The following TERT variants were observed in gnomAD, a reference collection of about 807,000 sequenced individuals.
TERT encodes telomerase reverse transcriptase, also known as telomerase catalytic subunit.
Under a neutral mutation model 104.0 loss-of-function variants are expected in TERT, and 42 were observed. The ratio of observed to expected loss-of-function variants is 0.40; its 90% CI spans 0.32 to 0.52. TERT has a LOEUF of 0.52. Among genes scored for constraint, TERT ranks in the 20% least tolerant of loss-of-function variants. The pLI is 0.43. For missense variants in TERT, 1,101 were observed against 1,610.3 expected (o/e 0.68, Z 5.41); for synonymous variants, 781 against 725.6 (o/e 1.08, Z -1.23).
intron 4 of TERT, among the ~76,000 whole-genome samples, chr5:1,279,684 C>T (rs541107177): frequency 1.3e-5 from 2 of 152,250 alleles, no homozygotes; most frequent in East Asian, 1.9e-4. Flanking sequence ...ACACCTCTGT[C>T]CACCTCACCC....
rs1027716937 is a variant in TERT at position 1,286,573 on chromosome 5, C to T, written c.1574-3949G>A. Among the ~76,000 whole-genome samples the T allele has an allele frequency of 6.6e-6, 1 of 152,034 alleles. No individual in the cohort carries two copies. The highest frequency in any genetic ancestry group is 1.5e-5 in the Non-Finnish European group (1 of 68,004). On this transcript the variant is annotated intron_variant, in intron 2 of 15. Transcript: ENST00000310581. The surrounding 1 kb of genome is among the most constrained non-coding windows in gnomAD (Gnocchi z 5.3). ...AGGACAAGGGTAGCAATGTTTCAGA[C>T]TTCATTTTAAAAGATCAAGGTATGC... is the stretch of plus-strand genomic sequence containing the variant.
At chr5:1,254,738 G>A (rs969882897) in intron 14 of TERT, among the ~76,000 whole-genome samples, 4 of 152,226 alleles carry the variant, frequency 2.6e-5, no homozygotes, top group Non-Finnish European at 5.9e-5. Context: ...CCGCAGGTTC[G>A]ACATGGCTTG....
chr5:1,266,610 G>T, intron 9 of TERT, 75 bp from the exon 10 acceptor site: 1 of 1,212,930 alleles, frequency 8.2e-7, no homozygotes, highest in Non-Finnish European at 1.2e-6. Context: ...GGGACTGAAT[G>T]TCAAACAATT....
In TERT at chr5:1,266,628, C is replaced by A; in HGVS notation, c.2583-93G>T. Reference sequence around the variant, plus strand: ...ACTGAATGTCAAACAATTTACACAGCCATAAATAAAGTAACATTCTCCAAA... The same window carrying A: ...ACTGAATGTCAAACAATTTACACAGACATAAATAAAGTAACATTCTCCAAA... On this transcript the variant is annotated intron_variant, in intron 9 of 15. Transcript: ENST00000310581. 3.8e-6 allele frequency: 4 copies of A among 1,053,918 alleles called. No individual in the cohort carries two copies. The South Asian group carries it at 4.1e-5, about 11-fold the overall frequency. The allele number at this position is 1,053,918 out of a possible 1,614,324, so 65.3% of individuals were successfully genotyped here. A position where few individuals can be genotyped will look rare whatever the true frequency, so the allele number is the denominator to read the frequency against.
intron 6 of TERT, among the ~76,000 whole-genome samples, chr5:1,278,434 A>G (rs1443541081): frequency 2.0e-5 from 3 of 146,658 alleles, no homozygotes; most frequent in African/African-American, 7.5e-5. Flanking sequence ...CCATGGACAC[A>G]CACGTGCCAC....
At position 1,288,515 on chromosome 5, in the gene TERT, T is replaced by C. The variant is rs1750630482; in HGVS notation, c.1573+4798A>G. 6.6e-6 allele frequency among the ~76,000 whole-genome samples: 1 copy of C among 151,842 alleles called. No homozygotes were observed. The highest frequency in any genetic ancestry group is 6.6e-5 in the Admixed American group (1 of 15,242). On this transcript the variant is annotated intron_variant, in intron 2 of 15. Coordinates refer to ENST00000310581, the MANE Select transcript of TERT (RefSeq NM_198253.3). The surrounding 1 kb of genome is among the most constrained non-coding windows in gnomAD (Gnocchi z 5.3). ...CAACCTGTGGCTGGACGTCAATCCA[T>C]GTGAGGGGGCGACTGGAGGCAGAGC...
chr5:1,292,985 C>T lies in TERT; in HGVS notation c.1573+328G>A, dbSNP rs1174858005. 6.6e-6 allele frequency among the ~76,000 whole-genome samples: 1 copy of T among 152,262 alleles called. No individual in the cohort carries two copies. The highest frequency in any genetic ancestry group is 1.9e-4 in the East Asian group (1 of 5,190). The stretch of plus-strand genomic sequence containing the variant: ...TAACCTGCAGGCACCCTCGCCAGAG[C>T]GTCTGTGCTTCCAGACACTTCTCCC... On this transcript the variant is annotated intron_variant, in intron 2 of 15. Coordinates refer to ENST00000310581, the MANE Select transcript of TERT (RefSeq NM_198253.3). The surrounding 1 kb of genome is among the most constrained non-coding windows in gnomAD (Gnocchi z 5.5).
intron 11 of TERT, among the ~76,000 whole-genome samples, chr5:1,260,851 G>T (rs563222935): frequency 6.6e-6 from 1 of 152,192 alleles, no homozygotes; most frequent in Non-Finnish European, 1.5e-5. Flanking sequence ...TCGCACGGCC[G>T]TGTTTGTGCA....
chr5:1,275,153 T>C (rs1054159948), intron 6 of TERT, among the ~76,000 whole-genome samples: 1 of 151,994 alleles, frequency 6.6e-6, no homozygotes, highest in South Asian at 2.1e-4. Flanking sequence ...GGTGGGAGGA[T>C]CACCTGAGGT....
Position 1,256,887 on chromosome 5 carries a change from G to A in TERT, c.3033-1476C>T, listed in dbSNP as rs919953332. Reference sequence around the variant, plus strand: ...CCACCCCAAGCCCGTGTGGAGGCGCGGCCAGCACGGGCCAGGAAGGCCGAG... The same window carrying A: ...CCACCCCAAGCCCGTGTGGAGGCGCAGCCAGCACGGGCCAGGAAGGCCGAG... On this transcript the variant is annotated intron_variant, in intron 13 of 15. Coordinates refer to ENST00000310581, the MANE Select transcript of TERT (RefSeq NM_198253.3). The surrounding 1 kb of genome is among the most constrained non-coding windows in gnomAD (Gnocchi z 7.0). 1.3e-5 allele frequency among the ~76,000 whole-genome samples: 2 copies of A among 152,134 alleles called. No individual in the cohort carries two copies. The highest frequency in any genetic ancestry group is 2.4e-5 in the African/African-American group (1 of 41,430).
intron 12 of TERT, among the ~76,000 whole-genome samples, chr5:1,259,478 G>A (rs1214040403): frequency 7.4e-6 from 1 of 134,364 alleles, no homozygotes; most frequent in Non-Finnish European, 1.6e-5. Flanking sequence ...GAGAGGGAGT[G>A]GACGCGGACG....
chr5:1,255,157 G>A lies in TERT; in HGVS notation c.3157+130C>T, dbSNP rs1413249489. ...AGGGCGGGCAGACGAGCCTGACAGTGGTTGGGTTAAACCACTTCCTGATGC... is the reference window on the plus strand; with the variant it reads ...AGGGCGGGCAGACGAGCCTGACAGTAGTTGGGTTAAACCACTTCCTGATGC... On this transcript the variant is annotated intron_variant, in intron 14 of 15. Transcript: ENST00000310581. The surrounding 1 kb of genome is among the most constrained non-coding windows in gnomAD (Gnocchi z 6.9). The A allele has an allele frequency of 1.7e-6, 2 of 1,203,824 alleles. No homozygotes were observed. The highest frequency in any genetic ancestry group is 2.4e-6 in the Non-Finnish European group (2 of 843,518). The allele number at this position is 1,203,824 out of a possible 1,614,324, so 74.6% of individuals were successfully genotyped here.
intron 9 of TERT, among the ~76,000 whole-genome samples, chr5:1,267,500 T>C (rs1424307919): frequency 2.0e-5 from 3 of 152,198 alleles, no homozygotes; most frequent in Non-Finnish European, 2.9e-5. Flanking sequence ...ACCCAAAGGA[T>C]TATAAATCAT....
At chr5:1,266,937 G>A (rs987455168) in intron 9 of TERT, among the ~76,000 whole-genome samples, 7 of 152,120 alleles carry the variant, frequency 4.6e-5, no homozygotes, top group African/African-American at 1.4e-4. Context: ...AGCATGATCC[G>A]AGACCCAGAT....
intron 6 of TERT, among the ~76,000 whole-genome samples, chr5:1,273,502 C>T (rs1190206392): frequency 4.3e-4 from 8 of 18,558 alleles, no homozygotes; most frequent in African/African-American, 5.1e-4. Flanking sequence ...CCGGGACCAA[C>T]CGCCATCCAC....
chr5:1,255,220 A>C lies in TERT; in HGVS notation c.3157+67T>G. On this transcript the variant is annotated intron_variant, in intron 14 of 15. Transcript: ENST00000310581. This position sits in a 1 kb window ranked among gnomAD's most constrained non-coding sequence, Gnocchi z 6.9. Reference sequence around the variant, plus strand: ...GAACTTCCTAAGCCCAGATTCACTCAGTCTCCTGACACACTAACACCAGCA... The same window carrying C: ...GAACTTCCTAAGCCCAGATTCACTCCGTCTCCTGACACACTAACACCAGCA... 1 of 1,591,756 alleles carries C rather than the reference A, an allele frequency of 6.3e-7. No individual in the cohort carries two copies. Among genetic ancestry groups the C allele is most frequent in the Non-Finnish European group, 8.6e-7 (1 of 1,167,242 alleles).
chr5:1,265,965 C>A lies in TERT; in HGVS notation c.2654+499G>T, dbSNP rs550758625. ...ATCTCCGTGGTTCAAGACAGCAGCACTCAGCAAATCCAAATTCTCCCACCG... is the reference window on the plus strand; with the variant it reads ...ATCTCCGTGGTTCAAGACAGCAGCAATCAGCAAATCCAAATTCTCCCACCG... On this transcript the variant is annotated intron_variant, in intron 10 of 15. Coordinates refer to ENST00000310581, the MANE Select transcript of TERT (RefSeq NM_198253.3). The surrounding 1 kb of genome is among the most constrained non-coding windows in gnomAD (Gnocchi z 6.9). Among the ~76,000 whole-genome samples, 2 of 152,322 alleles carry A rather than the reference C, an allele frequency of 1.3e-5. No homozygotes were observed. Among genetic ancestry groups the A allele is most frequent in the Admixed American group, 1.3e-4 (2 of 15,304 alleles).
Position 1,268,672 on chromosome 5 carries a change from T to C in TERT, c.2469-39A>G, listed in dbSNP as rs760293541. The C allele has an allele frequency of 5.0e-5, 74 of 1,469,656 alleles. No individual in the cohort carries two copies. The highest frequency in any genetic ancestry group is 6.7e-5 in the Non-Finnish European group (70 of 1,050,768). The allele number at this position is 1,469,656 out of a possible 1,614,324, so 91.0% of individuals were successfully genotyped here. A position where few individuals can be genotyped will look rare whatever the true frequency, so the allele number is the denominator to read the frequency against. ...ACACAGGTGAGAGACGGGCAGGGCA[T>C]GTGCTGGACATGCGTACACTCAAAC... On this transcript the variant is annotated intron_variant, in intron 8 of 15. Transcript: ENST00000310581. The surrounding 1 kb of genome is among the most constrained non-coding windows in gnomAD (Gnocchi z 5.5).
intron 2 of TERT, among the ~76,000 whole-genome samples, chr5:1,283,819 C>CG (rs1750251394): frequency 7.2e-6 from 1 of 138,860 alleles, no homozygotes; most frequent in African/African-American, 2.7e-5. Context: ...TCCAGCCCAC[C>CG]AAGGGCCTAG....
Sources: gnomAD v4.1 joint callset for allele counts (sites outside exome capture counted in the v4.1 genomes callset) on GRCh38, gnomAD v4.1.1 for gene constraint, Gnocchi (gnomAD v3.1) non-coding constraint, MANE v1.5 for transcripts, NCBI Gene and HGNC (gene_info 2026-07-23, HGNC 2026-07-21) for gene names.